SYNE2: variants seen among roughly 807,000 people sequenced by gnomAD.
SYNE2 encodes nesprin-2.
In SYNE2, 431 loss-of-function variants were observed where a neutral mutation model predicts 856.3. That is an observed-to-expected ratio of 0.50 (90% CI 0.47 to 0.55). The LOEUF (loss-of-function observed/expected upper bound fraction) is 0.55, where lower values mean the gene tolerates loss of function less well. Among genes scored for constraint, SYNE2 ranks in the 20% least tolerant of loss-of-function variants. SYNE2 has a pLI of 0.00. For synonymous variants in SYNE2, 2,923 were observed against 2,872.3 expected (o/e 1.02, Z -0.56); for missense variants, 8,129 against 8,023.2 (o/e 1.01, Z -0.50).
intron 8 of SYNE2, chr14:63,956,408 T>C (rs1566905140): frequency 4.4e-6 from 2 of 456,678 alleles, no homozygotes; most frequent in Non-Finnish European, 8.8e-6. Flanking sequence ...TTAATTTTTA[T>C]TGATGATTTT....
At chr14:63,865,670 C>A (rs1035403006) in intron 1 of SYNE2, among the ~76,000 whole-genome samples, 7 of 149,768 alleles carry the variant, frequency 4.7e-5, no homozygotes, top group Non-Finnish European at 1.0e-4. Context: ...CGAGATCACG[C>A]CACTGCACTC....
intron 76 of SYNE2, 116 bp from the exon 77 acceptor site, chr14:64,132,149 A>G: frequency 8.1e-7 from 1 of 1,233,712 alleles, no homozygotes; most frequent in Non-Finnish European, 1.2e-6. Flanking sequence ...CTCTACACGG[A>G]TGTCCTGGGA....
intron 1 of SYNE2, among the ~76,000 whole-genome samples, chr14:63,881,329 ATTGT>A (rs2094859118): frequency 6.6e-6 from 1 of 151,646 alleles, no homozygotes; most frequent in Admixed American, 6.6e-5. Flanking sequence ...TACCAGGATG[ATTGT>A]TTGTCTTCAG....
At chr14:63,891,952 G>A (rs376522402) in intron 1 of SYNE2, among the ~76,000 whole-genome samples, 5 of 152,236 alleles carry the variant, frequency 3.3e-5, no homozygotes, top group Admixed American at 6.5e-5. Flanking sequence ...AAGCATCCCT[G>A]CAGCTGCCAC....
chr14:64,057,587 G>T (rs1017307136), intron 49 of SYNE2, among the ~76,000 whole-genome samples: 1 of 152,150 alleles, frequency 6.6e-6, no homozygotes. Context: ...ATAAACATGG[G>T]AGTGCAGCTA....
intron 2 of SYNE2, among the ~76,000 whole-genome samples, chr14:63,925,724 GTTTTAATT>G (rs1443620251): frequency 6.6e-6 from 1 of 152,158 alleles, no homozygotes; most frequent in Non-Finnish European, 1.5e-5. Flanking sequence ...GAGTTCAGTT[GTTTTAATT>G]TTTAGCTTCC....
chr14:64,075,378 C>T (rs1327469132), intron 53 of SYNE2, among the ~76,000 whole-genome samples: 3 of 152,124 alleles, frequency 2.0e-5, no homozygotes, highest in African/African-American at 7.2e-5. Context: ...ACTATTTGTT[C>T]AGGTTTCTTT....
Position 64,208,873 on chromosome 14 carries a change from T to C in SYNE2, c.18317T>C (p.Ile6106Thr), listed in dbSNP as rs144624224. Residue 6106 changes from isoleucine (I) to threonine (T), a missense_variant, in exon 101 of 116, where the codon ATC becomes ACC. Around this residue, in one of 3 missense-constraint regions of SYNE2, gnomAD observed 5,410 missense variants for 5,284.8 expected, o/e 1.02. Coordinates refer to ENST00000555002, the MANE Select transcript of SYNE2 (RefSeq NM_182914.3). The stretch of plus-strand genomic sequence containing the variant: ...GCAAATGAGACCGAGTGTGACTCGA[T>C]CCAGCAGACCACCAGGAGCCTGGAC... ...ACANETECDS[I>T]QQTTRSLDRR... is the part of the protein sequence containing the mutation. 152 of 1,614,072 alleles carry C rather than the reference T, an allele frequency of 9.4e-5. No individual in the cohort carries two copies. Among genetic ancestry groups the C allele is most frequent in the Non-Finnish European group, 1.2e-4 (147 of 1,180,034 alleles).
Position 64,090,923 on chromosome 14 carries a change from C to A in SYNE2, c.11851C>A (p.Gln3951Lys). The A allele has an allele frequency of 1.2e-6, 2 of 1,614,048 alleles. No homozygotes were observed. The highest frequency in any genetic ancestry group is 2.7e-5 in the African/African-American group (2 of 75,026). ...KKTIAEIVSY[Q>K]VELRLPQTGM... ...AACCATTGCTGAGATAGTGTCTTAC[C>A]AAGTGGAACTGAGGTTGCCCCAAAC... The change falls in exon 60 of 116, where the codon CAA becomes AAA. Residue 3951 changes from glutamine (Q) to lysine (K), a missense_variant. Around this residue, in one of 3 missense-constraint regions of SYNE2, gnomAD observed 5,410 missense variants for 5,284.8 expected, o/e 1.02. Transcript: ENST00000555002.
At chr14:63,867,227 A>C (rs1365693327) in intron 1 of SYNE2, among the ~76,000 whole-genome samples, 1 of 152,140 alleles carries the variant, frequency 6.6e-6, no homozygotes, top group Non-Finnish European at 1.5e-5. Context: ...TATCCAGTCT[A>C]CTCATTTACC....
At chr14:64,105,383 G>T (rs1476929071) in intron 64 of SYNE2, among the ~76,000 whole-genome samples, 2 of 152,038 alleles carry the variant, frequency 1.3e-5, no homozygotes, top group Non-Finnish European at 2.9e-5. Context: ...TTTAATTCTT[G>T]GTTTATACCT....
At chr14:64,192,786 C>A (rs2098524293) in intron 99 of SYNE2, among the ~76,000 whole-genome samples, 1 of 152,188 alleles carries the variant, frequency 6.6e-6, no homozygotes, top group African/African-American at 2.4e-5. Context: ...AGTGTCACTT[C>A]CCTGACAGCC....
chr14:63,779,308 C>A (rs987071253), intron 1 of SYNE2, among the ~76,000 whole-genome samples: 1 of 149,112 alleles, frequency 6.7e-6, no homozygotes, highest in Admixed American at 6.9e-5. Flanking sequence ...CTGGGCAACA[C>A]GAGCAAAACT....
At chr14:63,789,301 T>C (rs1359167796) in intron 1 of SYNE2, among the ~76,000 whole-genome samples, 11 of 152,216 alleles carry the variant, frequency 7.2e-5, no homozygotes, top group African/African-American at 2.4e-4. Flanking sequence ...CTGGTGCTTA[T>C]CCTAGATCTC....
intron 1 of SYNE2, among the ~76,000 whole-genome samples, chr14:63,785,531 C>T (rs188899854): frequency 1.0e-3 from 155 of 152,204 alleles, no homozygotes; most frequent in Admixed American, 4.1e-3. Flanking sequence ...AGGATTAACT[C>T]CCAGTTACAA....
chr14:64,172,792 G>T (rs2098417062), intron 94 of SYNE2, among the ~76,000 whole-genome samples: 1 of 152,038 alleles, frequency 6.6e-6, no homozygotes, highest in African/African-American at 2.4e-5. Flanking sequence ...ATTTAGCCAG[G>T]TGTGGTGGTG....
intron 32 of SYNE2, among the ~76,000 whole-genome samples, chr14:64,014,529 C>A (rs372659404): frequency 6.6e-6 from 1 of 152,112 alleles, no homozygotes. Flanking sequence ...TGGATTCAAG[C>A]AATTCTCCTA....
At chr14:63,948,139 G>A (rs139648361) in intron 6 of SYNE2, among the ~76,000 whole-genome samples, 146 of 139,558 alleles carry the variant, frequency 1.0e-3, no homozygotes, top group African/African-American at 3.3e-3. Context: ...GTGTGCGTGC[G>A]CGCACATACA....
chr14:64,086,037 T>G (rs1157814172), intron 57 of SYNE2, among the ~76,000 whole-genome samples: 1 of 152,226 alleles, frequency 6.6e-6, no homozygotes, highest in Non-Finnish European at 1.5e-5. Context: ...CAATATTTTC[T>G]TTTATGGATT....
Sources: allele counts gnomAD v4.1 joint callset (sites outside exome capture counted in the v4.1 genomes callset), GRCh38; gene constraint gnomAD v4.1.1; regional missense constraint gnomAD v4.1.1; transcripts MANE v1.5; gene names NCBI Gene and HGNC (gene_info 2026-07-23, HGNC 2026-07-21).